The following GLDC variants were observed in gnomAD, a reference collection of about 807,000 sequenced individuals.
GLDC encodes glycine decarboxylase, also known as glycine dehydrogenase (decarboxylating), mitochondrial.
A neutral mutation model predicts 121.3 loss-of-function variants in GLDC; 104 were observed. The ratio of observed to expected loss-of-function variants is 0.86; its 90% CI spans 0.73 to 1.01. The LOEUF (loss-of-function observed/expected upper bound fraction) is 1.01, where lower values mean the gene tolerates loss of function less well. Ranked by LOEUF, GLDC falls within the 50% of genes least tolerant of loss-of-function variation. GLDC has a pLI of 0.00. For missense variants in GLDC, 1,429 were observed against 1,306.6 expected, an observed-to-expected ratio of 1.09 and a Z score of -1.44; for synonymous variants, 546 against 480.6, an observed-to-expected ratio of 1.14 and a Z score of -1.78.
chr9:6,604,444 T>G, intron 7 of GLDC, 144 bp downstream of exon 7: 1 of 800,130 alleles, frequency 1.2e-6, no homozygotes, highest in South Asian at 1.6e-5. Context: ...CCAAACAGAA[T>G]TGTTCTTCTG....
intron 22 of GLDC, among the ~76,000 whole-genome samples, chr9:6,538,993 C>T (rs1180226892): frequency 6.6e-6 from 1 of 151,932 alleles, no homozygotes; most frequent in African/African-American, 2.4e-5. Flanking sequence ...GAGTGAGTCA[C>T]ACACATGGGA....
intron 4 of GLDC, among the ~76,000 whole-genome samples, chr9:6,607,597 T>C (rs970789705): frequency 1.3e-5 from 2 of 151,766 alleles, no homozygotes; most frequent in Non-Finnish European, 2.9e-5. Context: ...AATAAATACA[T>C]ACATACATAA....
At position 6,587,405 on chromosome 9, in the gene GLDC, C is replaced by T. The variant is rs181745169; in HGVS notation, c.1708-122G>A. On this transcript the variant is annotated intron_variant, in intron 14 of 24. Transcript: ENST00000321612. ...GCCAGGCACTGTTCTAAGCGCTATA[C>T]ATATGTTAATTTATTTAAGTTCCAC... 200 of 738,326 alleles carry T rather than the reference C, an allele frequency of 2.7e-4. No individual in the cohort carries two copies. In the East Asian group the frequency reaches 5.1e-3, roughly 19 times the overall value. The allele number at this position is 738,326 out of a possible 1,614,324, so 45.7% of individuals were successfully genotyped here. A position where few individuals can be genotyped will look rare whatever the true frequency, so the allele number is the denominator to read the frequency against.
intron 2 of GLDC, among the ~76,000 whole-genome samples, chr9:6,640,712 C>G (rs144045544): frequency 3.3e-5 from 5 of 152,304 alleles, no homozygotes; most frequent in Non-Finnish European, 7.3e-5. Context: ...ATGATTAGTT[C>G]AGTCTAGTTC....
intron 8 of GLDC, among the ~76,000 whole-genome samples, chr9:6,596,992 T>G (rs1381908328): frequency 6.6e-6 from 1 of 152,186 alleles, no homozygotes; most frequent in Non-Finnish European, 1.5e-5. Flanking sequence ...AATTGATGAA[T>G]GGATAAACAA....
intron 15 of GLDC, among the ~76,000 whole-genome samples, chr9:6,582,378 G>A (rs117860216): frequency 0.021 from 3,116 of 149,188 alleles, 78 homozygotes; most frequent in Admixed American, 0.055. Context: ...AAAATTTGCC[G>A]GCCACGGGGG....
At chr9:6,551,302 C>T (rs925167836) in intron 20 of GLDC, among the ~76,000 whole-genome samples, 1 of 152,172 alleles carries the variant, frequency 6.6e-6, no homozygotes, top group African/African-American at 2.4e-5. Flanking sequence ...CCGATGGGAT[C>T]TGGGCCAATA....
rs1563864174 is a variant in GLDC, at chr9:6,619,145, G to GAA, written c.470+1038_470+1039insTT. On this transcript the variant is annotated intron_variant, in intron 3 of 24. Transcript: ENST00000321612. ...GCAACAGAGTGAGACTCTGTCTCAG[G>GAA]CAAAAAAAAAAAAAAAAAAAAAAAA... Among the ~76,000 whole-genome samples the GAA allele has an allele frequency of 3.0e-3, 91 of 30,200 alleles. 3 individuals are homozygous for GAA. The highest frequency in any genetic ancestry group is 0.013 in the African/African-American group (86 of 6,582). 19.8% of individuals were successfully genotyped at this position (30,200 alleles called of 152,430 possible). A position where few individuals can be genotyped will look rare whatever the true frequency, so the allele number is the denominator to read the frequency against.
chr9:6,560,063 C>T (rs186443750), intron 16 of GLDC, among the ~76,000 whole-genome samples: 1 of 152,310 alleles, frequency 6.6e-6, no homozygotes, highest in East Asian at 1.9e-4. Flanking sequence ...TGCTAAAATT[C>T]TCAGACTCAA....
intron 8 of GLDC, among the ~76,000 whole-genome samples, chr9:6,596,064 C>T (rs1818489000): frequency 6.6e-6 from 1 of 152,194 alleles, no homozygotes; most frequent in Admixed American, 6.5e-5. Flanking sequence ...GGACTCCTTA[C>T]AACAATCAGA....
intron 19 of GLDC, among the ~76,000 whole-genome samples, chr9:6,553,990 GAA>G (rs952340876): frequency 6.8e-6 from 1 of 146,900 alleles, no homozygotes. Flanking sequence ...CGTAGTCCAA[GAA>G]AAAAAAAACA....
At chr9:6,611,416 C>A (rs137924495) in intron 3 of GLDC, among the ~76,000 whole-genome samples, 1 of 152,128 alleles carries the variant, frequency 6.6e-6, no homozygotes, top group Admixed American at 6.6e-5. Flanking sequence ...ATTAGCCAGG[C>A]GTGGTGGCAC....
At chr9:6,559,965 A>G (rs1471446338) in intron 16 of GLDC, among the ~76,000 whole-genome samples, 1 of 152,212 alleles carries the variant, frequency 6.6e-6, no homozygotes, top group Non-Finnish European at 1.5e-5. Context: ...CAGGTTAAGG[A>G]AATCAAGGCA....
At chr9:6,556,030 G>C in intron 18 of GLDC, 123 bp downstream of exon 18, 2 of 719,218 alleles carry the variant, frequency 2.8e-6, no homozygotes, top group Non-Finnish European at 4.8e-6. Flanking sequence ...ACAACCACCA[G>C]TGGTCAGGTC....
intron 15 of GLDC, among the ~76,000 whole-genome samples, chr9:6,573,750 C>T (rs1312831737): frequency 1.3e-5 from 2 of 152,102 alleles, no homozygotes; most frequent in East Asian, 1.9e-4. Flanking sequence ...AAAATGATGG[C>T]AGTAAAGTGA....
In GLDC at chr9:6,554,714, CAGA is replaced by C. The variant is rs121964975; in HGVS notation, c.2267_2269del (p.Phe756del). 6.2e-7 allele frequency: 1 copy of C among 1,612,984 alleles called. No individual in the cohort carries two copies. The highest frequency in any genetic ancestry group is 1.1e-5 in the South Asian group (1 of 90,904). On this transcript the variant is annotated inframe_deletion, in exon 19 of 25. Transcript: ENST00000321612. ...AGGACCACCTCCTCCGTGGGGAATG[CAGA>C]AGGTCTTGTGAAGATTTAGGTGCGA...
intron 8 of GLDC, among the ~76,000 whole-genome samples, chr9:6,599,395 A>C (rs1240495344): frequency 6.6e-6 from 1 of 151,956 alleles, no homozygotes; most frequent in Non-Finnish European, 1.5e-5. Flanking sequence ...CAACAAATGG[A>C]GGGTAAGCTA....
chr9:6,547,678 A>G (rs1817425070), intron 21 of GLDC, among the ~76,000 whole-genome samples: 1 of 152,320 alleles, frequency 6.6e-6, no homozygotes, highest in South Asian at 2.1e-4. Context: ...AAGGATACTC[A>G]CGGCCACATT....
intron 15 of GLDC, among the ~76,000 whole-genome samples, chr9:6,577,173 C>T (rs548732659): frequency 2.0e-5 from 3 of 152,366 alleles, no homozygotes; most frequent in East Asian, 1.9e-4. Context: ...CAGCGCCACA[C>T]GCAGAGAAAT....
Sources: gnomAD v4.1 joint callset for allele counts (sites outside exome capture counted in the v4.1 genomes callset) on GRCh38, gnomAD v4.1.1 for gene constraint, MANE v1.5 for transcripts, NCBI Gene and HGNC (gene_info 2026-07-23, HGNC 2026-07-21) for gene names.